The following ELAVL2 variants were observed in gnomAD, a reference collection of about 807,000 sequenced individuals.
ELAVL2 encodes the protein ELAV-like protein 2.
Under a neutral mutation model 34.6 loss-of-function variants are expected in ELAVL2, and 4 were observed. The observed-to-expected ratio is 0.12, with a 90% CI of 0.06 to 0.26. ELAVL2 has a LOEUF of 0.26. Ranked by LOEUF, ELAVL2 falls within the 10% of genes least tolerant of loss-of-function variation. ELAVL2 has a pLI of 1.00. For synonymous variants in ELAVL2, 193 were observed against 154.8 expected (o/e 1.25, Z -1.83); for missense variants, 432 against 442.8 (o/e 0.98, Z 0.22).
intron 1 of ELAVL2, among the ~76,000 whole-genome samples, chr9:23,797,477 C>G (rs1011585363): frequency 3.3e-5 from 5 of 152,112 alleles, no homozygotes; most frequent in African/African-American, 1.2e-4. Context: ...CAAAGGCCAG[C>G]TATTGGGAAT....
intron 1 of ELAVL2, among the ~76,000 whole-genome samples, chr9:23,780,481 CTT>C (rs1227847927): frequency 6.6e-6 from 1 of 152,164 alleles, no homozygotes; most frequent in East Asian, 1.9e-4. Flanking sequence ...TCCTATGAGT[CTT>C]TTTATAATTA....
chr9:23,812,363 A>G (rs2063126465), intron 1 of ELAVL2, among the ~76,000 whole-genome samples: 2 of 152,150 alleles, frequency 1.3e-5, no homozygotes. Context: ...TAATTTGGAA[A>G]AGCCCTAAGC....
chr9:23,694,174 T>C (rs1402991454), intron 5 of ELAVL2, among the ~76,000 whole-genome samples: 3 of 152,026 alleles, frequency 2.0e-5, no homozygotes, highest in Non-Finnish European at 4.4e-5. Flanking sequence ...CTGATCTGGA[T>C]GCTGTATTCA....
chr9:23,724,171 A>C (rs1360138197), intron 3 of ELAVL2, among the ~76,000 whole-genome samples: 1 of 152,192 alleles, frequency 6.6e-6, no homozygotes, highest in African/African-American at 2.4e-5. Flanking sequence ...ATTCCAATAA[A>C]GATGGGTTCA....
At position 23,769,400 on chromosome 9, in the gene ELAVL2, C is replaced by G. The variant is rs149374188; in HGVS notation, c.-15-7151G>C. Among the ~76,000 whole-genome samples the G allele has an allele frequency of 7.2e-5, 11 of 152,216 alleles. No individual in the cohort carries two copies. In the East Asian group the frequency reaches 2.1e-3, roughly 29 times the overall value. ...TCCTATAGCAAATGCTTTATCTTTC[C>G]CATTCAAATCACTAAGTGGTATTTT... On this transcript the variant is annotated intron_variant, in intron 1 of 6. Coordinates refer to ENST00000397312, the MANE Select transcript of ELAVL2 (RefSeq NM_004432.5).
chr9:23,784,160 G>T (rs1450789601), intron 1 of ELAVL2, among the ~76,000 whole-genome samples: 1 of 151,320 alleles, frequency 6.6e-6, no homozygotes, highest in Non-Finnish European at 1.5e-5. Context: ...ATTGCGCCAC[G>T]ACACTCCAGC....
In ELAVL2 at chr9:23,795,992, C is replaced by A. The variant is rs146685091; in HGVS notation, c.-16+29814G>T. On this transcript the variant is annotated intron_variant, in intron 1 of 6. Transcript: ENST00000397312. Reference sequence around the variant, plus strand: ...CTTTCTTGATCAATATTGTTTCCCACCAGATTTTGGAATATTATGAAAACG... The same window carrying A: ...CTTTCTTGATCAATATTGTTTCCCAACAGATTTTGGAATATTATGAAAACG... Among the ~76,000 whole-genome samples, 265 of 152,276 alleles carry A rather than the reference C, an allele frequency of 1.7e-3. 1 individual carries two copies. The highest frequency in any genetic ancestry group is 6.2e-3 in the African/African-American group (258 of 41,548).
chr9:23,757,569 T>C lies in ELAVL2; in HGVS notation c.229+4437A>G, dbSNP rs1027876321. Among the ~76,000 whole-genome samples the C allele has an allele frequency of 2.6e-5, 4 of 151,590 alleles. No individual in the cohort carries two copies. In the Admixed American group the frequency reaches 2.6e-4, roughly 10 times the overall value. Reference sequence around the variant, plus strand: ...TCCTTGCATCATAAAATCCATTTCGTTCATCTAGAATGCAGCATCAGCAGG... The same window carrying C: ...TCCTTGCATCATAAAATCCATTTCGCTCATCTAGAATGCAGCATCAGCAGG... On this transcript the variant is annotated intron_variant, in intron 2 of 6. Transcript: ENST00000397312.
chr9:23,827,460 T>C (rs1588886069), upstream of ELAVL2, among the ~76,000 whole-genome samples: 1 of 152,184 alleles, frequency 6.6e-6, no homozygotes, highest in Admixed American at 6.5e-5. Flanking sequence ...TACGTTCTTT[T>C]CCAGCCAGCA....
intron 3 of ELAVL2, among the ~76,000 whole-genome samples, chr9:23,727,213 T>C (rs1395334756): frequency 6.6e-6 from 1 of 152,020 alleles, no homozygotes; most frequent in Non-Finnish European, 1.5e-5. Context: ...CTCTGGGACA[T>C]CTCCTTAACC....
At chr9:23,825,530 T>C (rs2065246413) in intron 1 of ELAVL2, among the ~76,000 whole-genome samples, 1 of 152,134 alleles carries the variant, frequency 6.6e-6, no homozygotes, top group Non-Finnish European at 1.5e-5. Context: ...TGAAGCTCAC[T>C]CCACATCTAA....
intron 1 of ELAVL2, among the ~76,000 whole-genome samples, chr9:23,782,463 TCAG>T (rs1232254936): frequency 6.6e-6 from 1 of 151,880 alleles, no homozygotes; most frequent in Non-Finnish European, 1.5e-5. Flanking sequence ...TCCCAGCTAC[TCAG>T]GAGGCTGAGG....
At chr9:23,759,764 A>ATAT (rs929224883) in intron 2 of ELAVL2, among the ~76,000 whole-genome samples, 2 of 117,330 alleles carry the variant, frequency 1.7e-5, no homozygotes, top group African/African-American at 3.8e-5. Context: ...TTATATATAT[A>ATAT]TATATATATA....
At chr9:23,834,227 T>C in the ELAVL2 span, among the ~76,000 whole-genome samples, 3 of 152,022 alleles carry the variant, frequency 2.0e-5, no homozygotes, top group South Asian at 6.2e-4. Context: ...GTTGTTATTG[T>C]TTATCCTTAT....
intron 5 of ELAVL2, among the ~76,000 whole-genome samples, chr9:23,695,988 C>G (rs1166241346): frequency 6.6e-6 from 1 of 152,132 alleles, no homozygotes; most frequent in Non-Finnish European, 1.5e-5. Flanking sequence ...TCTCCGAGGA[C>G]CCTCCAAATT....
chr9:23,845,950 T>C, the ELAVL2 span, among the ~76,000 whole-genome samples: 1 of 151,906 alleles, frequency 6.6e-6, no homozygotes. Context: ...ATGTCAATGA[T>C]GTCCTTAAAC....
the ELAVL2 span, among the ~76,000 whole-genome samples, chr9:23,849,317 C>T: frequency 0.041 from 6,186 of 152,206 alleles, 208 homozygotes; most frequent in Non-Finnish European, 0.064. Context: ...ATTCCTTTCT[C>T]CAGCCTCAAA....
intron 2 of ELAVL2, among the ~76,000 whole-genome samples, chr9:23,746,130 T>C (rs1588029478): frequency 6.6e-6 from 1 of 152,142 alleles, no homozygotes; most frequent in African/African-American, 2.4e-5. Context: ...TATGAGTAAA[T>C]TGTTTGAAAG....
At chr9:23,844,375 T>C in the ELAVL2 span, among the ~76,000 whole-genome samples, 1 of 152,060 alleles carries the variant, frequency 6.6e-6, no homozygotes, top group Non-Finnish European at 1.5e-5. Context: ...TATCATTCAC[T>C]GCATTCTAAG....
Sources: allele counts gnomAD v4.1 joint callset (sites outside exome capture counted in the v4.1 genomes callset), GRCh38; gene constraint gnomAD v4.1.1; transcripts MANE v1.5; gene names NCBI Gene and HGNC (gene_info 2026-07-23, HGNC 2026-07-21).